The following FER1L6 variants were observed in gnomAD, a reference collection of about 807,000 sequenced individuals.
FER1L6 encodes the protein fer-1 like family member 6, also known as fer-1-like protein 6.
Under a neutral mutation model 219.2 loss-of-function variants are expected in FER1L6, and 177 were observed. The ratio of observed to expected loss-of-function variants is 0.81; its 90% CI spans 0.71 to 0.91. FER1L6 has a LOEUF of 0.91. Ranked by LOEUF, FER1L6 falls within the 40% of genes least tolerant of loss-of-function variation. The pLI is 0.00. For missense variants in FER1L6, 2,153 were observed against 2,259.9 expected (o/e 0.95, Z 0.96); for synonymous variants, 768 against 824.3 (o/e 0.93, Z 1.17).
Position 124,119,802 on chromosome 8 carries a change from G to C in FER1L6, c.*12G>C, listed in dbSNP as rs769731961. ...TTGTGGGCTCATAGAGGATCATGGA[G>C]GACCCAGATCCTCGCCATATACTAA... On this transcript the variant is annotated 3_prime_UTR_variant, in exon 41 of 41. Transcript: ENST00000522917. 5.0e-6 allele frequency: 8 copies of C among 1,612,570 alleles called. No individual in the cohort carries two copies. The highest frequency in any genetic ancestry group is 6.8e-6 in the Non-Finnish European group (8 of 1,179,344).
intron 12 of FER1L6, among the ~76,000 whole-genome samples, chr8:123,992,621 A>G (rs1348943595): frequency 2.0e-5 from 3 of 151,988 alleles, no homozygotes; most frequent in Non-Finnish European, 2.9e-5. Context: ...AATATAGATA[A>G]TGGTCTATTG....
At chr8:124,042,752 G>A (rs1251929622) in intron 20 of FER1L6, among the ~76,000 whole-genome samples, 3 of 152,268 alleles carry the variant, frequency 2.0e-5, no homozygotes, top group South Asian at 2.1e-4. Flanking sequence ...CTGACCACGC[G>A]GGGCTCAGGG....
intron 12 of FER1L6, among the ~76,000 whole-genome samples, chr8:123,993,186 T>C (rs1189608921): frequency 6.6e-6 from 1 of 152,146 alleles, no homozygotes; most frequent in African/African-American, 2.4e-5. Flanking sequence ...CTCACGCCTG[T>C]AATCCCAGCA....
intron 18 of FER1L6, among the ~76,000 whole-genome samples, chr8:124,032,507 T>C (rs1819014781): frequency 1.3e-5 from 2 of 151,888 alleles, no homozygotes; most frequent in South Asian, 4.1e-4. Context: ...GGGGGGCAGA[T>C]TGCTTTAGTC....
chr8:123,965,395 A>T (rs570495839), intron 3 of FER1L6, among the ~76,000 whole-genome samples: 16 of 152,296 alleles, frequency 1.1e-4, no homozygotes, highest in Non-Finnish European at 1.5e-4. Context: ...GGAATTCTTC[A>T]TCTCTTTCTG....
At chr8:123,927,949 A>G (rs1172177697) in intron 1 of FER1L6, among the ~76,000 whole-genome samples, 3 of 152,168 alleles carry the variant, frequency 2.0e-5, no homozygotes, top group Non-Finnish European at 4.4e-5. Context: ...TGCAATGTGC[A>G]TATCATGAAT....
At chr8:123,942,773 C>G (rs994468293) in intron 1 of FER1L6, among the ~76,000 whole-genome samples, 5 of 152,160 alleles carry the variant, frequency 3.3e-5, no homozygotes, top group African/African-American at 1.2e-4. Flanking sequence ...TGCAAAGATT[C>G]TTTTTGTAAA....
chr8:123,912,894 G>T (rs77006174), intron 1 of FER1L6, among the ~76,000 whole-genome samples: 5,797 of 152,206 alleles, frequency 0.038, 147 homozygotes, highest in South Asian at 0.057. Context: ...AGCAATACAG[G>T]GTATGGTATT....
intron 1 of FER1L6, among the ~76,000 whole-genome samples, chr8:123,930,655 G>A (rs34847229): frequency 2.6e-5 from 4 of 152,158 alleles, no homozygotes; most frequent in African/African-American, 9.7e-5. Context: ...AGTGGCCCCA[G>A]AGAAGTGGCT....
At chr8:123,870,744 T>C (rs1306084084) in intron 1 of FER1L6, among the ~76,000 whole-genome samples, 4 of 152,198 alleles carry the variant, frequency 2.6e-5, no homozygotes, top group South Asian at 2.1e-4. Context: ...TGACACCACA[T>C]AATTGTCAAA....
At chr8:123,911,983 C>A (rs1477824029) in intron 1 of FER1L6, among the ~76,000 whole-genome samples, 1 of 152,122 alleles carries the variant, frequency 6.6e-6, no homozygotes, top group Non-Finnish European at 1.5e-5. Flanking sequence ...AGCCTCTGGC[C>A]TCTATTAGCA....
At position 124,054,867 on chromosome 8, in the gene FER1L6, G is replaced by A. The variant is rs77899250; in HGVS notation, c.2874+5111G>A. ...ATGGGAAACCAAGAGAGGACTCTCG[G>A]CACAATGACTTAATGTTGCAACGCG... is the stretch of plus-strand genomic sequence containing the variant. On this transcript the variant is annotated intron_variant, in intron 22 of 40. Coordinates refer to ENST00000522917, the MANE Select transcript of FER1L6 (RefSeq NM_001039112.2). Among the ~76,000 whole-genome samples, 573 of 152,288 alleles carry A rather than the reference G, an allele frequency of 3.8e-3. 3 individuals are homozygous for A. The highest frequency in any genetic ancestry group is 0.012 in the African/African-American group (508 of 41,556).
At chr8:123,887,894 G>A (rs936487422) in intron 1 of FER1L6, among the ~76,000 whole-genome samples, 1 of 152,114 alleles carries the variant, frequency 6.6e-6, no homozygotes, top group South Asian at 2.1e-4. Context: ...AAAAAGTTTA[G>A]ATAGTAAAAT....
At chr8:123,910,210 T>C (rs1460962048) in intron 1 of FER1L6, among the ~76,000 whole-genome samples, 1 of 152,122 alleles carries the variant, frequency 6.6e-6, no homozygotes, top group Non-Finnish European at 1.5e-5. Context: ...GGGTATGCCG[T>C]CATGTGAAAA....
chr8:124,071,334 G>A (rs1458360280), intron 30 of FER1L6, among the ~76,000 whole-genome samples, 172 bp from the exon 31 acceptor site: 1 of 152,162 alleles, frequency 6.6e-6, no homozygotes, highest in Non-Finnish European at 1.5e-5. Context: ...AAGAAGCTCA[G>A]ATGCAAGCAG....
In FER1L6 at chr8:124,031,609, C is replaced by T. The variant is rs186407280; in HGVS notation, c.2287-3668C>T. 6.6e-5 allele frequency among the ~76,000 whole-genome samples: 10 copies of T among 152,258 alleles called. No individual in the cohort carries two copies. The East Asian group carries it at 1.9e-3, about 29-fold the overall frequency. On this transcript the variant is annotated intron_variant, in intron 18 of 40. Transcript: ENST00000522917. The stretch of plus-strand genomic sequence containing the variant: ...AGAGTCATATTTTTAGGTTTTATAG[C>T]TGGCTTTGGGGAAATGGGGTTCTGG...
intron 33 of FER1L6, among the ~76,000 whole-genome samples, chr8:124,083,456 T>C (rs1278815519): frequency 6.6e-6 from 1 of 152,164 alleles, no homozygotes; most frequent in Non-Finnish European, 1.5e-5. Context: ...TATCCAGTTT[T>C]CCCAGCACCA....
chr8:123,907,679 C>T (rs551754671), intron 1 of FER1L6, among the ~76,000 whole-genome samples: 1 of 148,344 alleles, frequency 6.7e-6, no homozygotes, highest in Admixed American at 6.6e-5. Flanking sequence ...TCCCTGAGGG[C>T]CTCTCACTGG....
At chr8:124,004,937 G>T (rs534673459) in intron 13 of FER1L6, among the ~76,000 whole-genome samples, 100 of 151,520 alleles carry the variant, frequency 6.6e-4, no homozygotes, top group African/African-American at 2.2e-3. Flanking sequence ...GGCAGAGGTT[G>T]CAGTGAGCAG....
Sources: allele counts gnomAD v4.1 joint callset (sites outside exome capture counted in the v4.1 genomes callset), GRCh38; gene constraint gnomAD v4.1.1; transcripts MANE v1.5; gene names NCBI Gene and HGNC (gene_info 2026-07-23, HGNC 2026-07-21).